PDS5B: variants seen among roughly 807,000 people sequenced by gnomAD.
PDS5B encodes sister chromatid cohesion protein PDS5 homolog B.
A neutral mutation model predicts 184.1 loss-of-function variants in PDS5B; 51 were observed. The ratio of observed to expected loss-of-function variants is 0.28; its 90% CI spans 0.22 to 0.35. PDS5B has a LOEUF of 0.35. PDS5B is among the 10% of genes least tolerant of loss of function. PDS5B has a pLI of 1.00. For missense variants in PDS5B, 1,180 were observed against 1,723.3 expected (o/e 0.68, Z 5.58); for synonymous variants, 566 against 569.2 (o/e 0.99, Z 0.08).
At chr13:32,741,034 A>G (rs755444170) in intron 21 of PDS5B, 46 bp from the exon 22 acceptor site, 1 of 1,089,606 alleles carries the variant, frequency 9.2e-7, no homozygotes, top group South Asian at 1.3e-5. Flanking sequence ...ATTCATATTT[A>G]CATTTTAAAG....
At chr13:32,596,329 T>A (rs1035310796) in intron 1 of PDS5B, among the ~76,000 whole-genome samples, 9 of 152,218 alleles carry the variant, frequency 5.9e-5, no homozygotes, top group Non-Finnish European at 1.2e-4. Flanking sequence ...GCTTAACATA[T>A]TTTGAGATTC....
chr13:32,615,127 A>G lies in PDS5B; in HGVS notation c.-20+28534A>G, dbSNP rs546183631. ...TATTATTACCCCAAGGGTAGCCACT[A>G]TCCTGATTTTGTGATAGCATGTTTT... On this transcript the variant is annotated intron_variant, in intron 1 of 34. Coordinates refer to ENST00000315596, the MANE Select transcript of PDS5B (RefSeq NM_015032.4). Among the ~76,000 whole-genome samples the G allele has an allele frequency of 3.9e-5, 6 of 152,258 alleles. No homozygotes were observed. In the South Asian group the frequency reaches 1.2e-3, roughly 32 times the overall value.
chr13:32,610,986 G>C (rs1299714494), intron 1 of PDS5B, among the ~76,000 whole-genome samples: 1 of 150,988 alleles, frequency 6.6e-6, no homozygotes, highest in Non-Finnish European at 1.5e-5. Flanking sequence ...TTCCTTTTTA[G>C]AGCCATCTTT....
rs759890862 is a variant in PDS5B at position 32,758,632 on chromosome 13, T to A, written c.3288T>A (p.Arg1096=). Residue 1096 remains arginine, a synonymous_variant, in exon 28 of 35, where the codon CGT becomes CGA. Coordinates refer to ENST00000315596, the MANE Select transcript of PDS5B (RefSeq NM_015032.4). Reference sequence around the variant, plus strand: ...CTAAAGACCCGGTACTACCAGCTCGTTTCTTCACTCAACCTGACAAGGTAG... The same window carrying A: ...CTAAAGACCCGGTACTACCAGCTCGATTCTTCACTCAACCTGACAAGGTAG... The part of the protein sequence containing the change: ...ESPKDPVLPA[R]FFTQPDKNFS... The A allele has an allele frequency of 3.1e-6, 5 of 1,613,596 alleles. No individual in the cohort carries two copies. In the East Asian group the frequency reaches 1.1e-4, roughly 36 times the overall value.
At chr13:32,737,249 A>G (rs1308009899) in intron 21 of PDS5B, among the ~76,000 whole-genome samples, 2 of 152,120 alleles carry the variant, frequency 1.3e-5, no homozygotes, top group Non-Finnish European at 2.9e-5. Context: ...TCGTCAGATC[A>G]CTTCCATCCA....
At chr13:32,613,950 C>A (rs753697310) in intron 1 of PDS5B, among the ~76,000 whole-genome samples, 1 of 152,130 alleles carries the variant, frequency 6.6e-6, no homozygotes, top group South Asian at 2.1e-4. Flanking sequence ...CATTCTTTTG[C>A]GTGTTGATAA....
chr13:32,770,001 C>T, intron 31 of PDS5B, 120 bp from the exon 32 acceptor site: 1 of 745,310 alleles, frequency 1.3e-6, no homozygotes, highest in Non-Finnish European at 2.1e-6. Flanking sequence ...TATTTAAGAG[C>T]TGTATATTTT....
chr13:32,769,763 CAG>C, intron 31 of PDS5B, among the ~76,000 whole-genome samples: 1 of 152,240 alleles, frequency 6.6e-6, no homozygotes, highest in South Asian at 2.1e-4. Flanking sequence ...ACTATCCAAA[CAG>C]ATACTTTAGT....
chr13:32,648,970 A>T, intron 2 of PDS5B, 90 bp downstream of exon 2: 1 of 735,188 alleles, frequency 1.4e-6, no homozygotes, highest in Non-Finnish European at 2.5e-6. Flanking sequence ...TTGTTGGGGT[A>T]ACTTAAAAAA....
At chr13:32,717,066 T>G (rs1233377360) in intron 19 of PDS5B, among the ~76,000 whole-genome samples, 6 of 118,320 alleles carry the variant, frequency 5.1e-5, no homozygotes, top group Admixed American at 8.1e-5. Flanking sequence ...GGGAGGGAGG[T>G]GGGGGGGTCA....
chr13:32,660,860 T>G lies in PDS5B; in HGVS notation c.624+1580T>G, dbSNP rs190043137. ...CACCAAGTACTTATAGATTCAATCT[T>G]TTGCTTAGTCCATTTAGCTTAGGGT... On this transcript the variant is annotated intron_variant, in intron 6 of 34. Coordinates refer to ENST00000315596, the MANE Select transcript of PDS5B (RefSeq NM_015032.4). Among the ~76,000 whole-genome samples, 17 of 152,258 alleles carry G rather than the reference T, an allele frequency of 1.1e-4. No homozygotes were observed. In the East Asian group the frequency reaches 3.3e-3, roughly 29 times the overall value.
chr13:32,775,570 T>A lies in PDS5B; in HGVS notation c.*518T>A. 1 of 438,716 alleles carries A rather than the reference T, an allele frequency of 2.3e-6. No homozygotes were observed. Among genetic ancestry groups the A allele is most frequent in the Non-Finnish European group, 4.5e-6 (1 of 220,080 alleles). The allele number at this position is 438,716 out of a possible 1,614,324, so 27.2% of individuals were successfully genotyped here. On this transcript the variant is annotated 3_prime_UTR_variant, in exon 35 of 35. Transcript: ENST00000315596. ...TTGGAGAGTTAAATGGTCTCTTCCC[T>A]TTGTGTATCTTACCTAGTGTTTACT...
Position 32,678,862 on chromosome 13 carries a change from C to G in PDS5B, c.990C>G (p.Arg330=). 4 of 1,607,336 alleles carry G rather than the reference C, an allele frequency of 2.5e-6. No individual in the cohort carries two copies. Among genetic ancestry groups the G allele is most frequent in the Non-Finnish European group, 3.4e-6 (4 of 1,174,022 alleles). Residue 330 remains arginine, a synonymous_variant, in exon 10 of 35, where the codon CGC becomes CGG. Transcript: ENST00000315596. Reference sequence around the variant, plus strand: ...TTAATGATATCCATGTACCAATCCGCCTGGAATGTGTGAAATTTGCTAGCC... The same window carrying G: ...TTAATGATATCCATGTACCAATCCGGCTGGAATGTGTGAAATTTGCTAGCC... ...GRFNDIHVPI[R]LECVKFASHC...
intron 19 of PDS5B, among the ~76,000 whole-genome samples, chr13:32,729,442 A>G (rs1484492883): frequency 6.6e-6 from 1 of 152,154 alleles, no homozygotes; most frequent in Non-Finnish European, 1.5e-5. Flanking sequence ...AATGATTTAT[A>G]ATCCTTTGGG....
intron 14 of PDS5B, among the ~76,000 whole-genome samples, chr13:32,694,796 T>G (rs1394750354): frequency 6.6e-6 from 1 of 151,722 alleles, no homozygotes; most frequent in Non-Finnish European, 1.5e-5. Context: ...ATTCATCCAT[T>G]GGATGTATCA....
chr13:32,644,019 A>G (rs1382760356), intron 1 of PDS5B, among the ~76,000 whole-genome samples: 1 of 152,120 alleles, frequency 6.6e-6, no homozygotes, highest in Non-Finnish European at 1.5e-5. Context: ...TCCAATATGT[A>G]TGCTTTTTAT....
At chr13:32,658,576 A>T (rs1950571972) in intron 5 of PDS5B, 45 bp downstream of exon 5, 9 of 993,286 alleles carry the variant, frequency 9.1e-6, no homozygotes, top group Non-Finnish European at 1.4e-5. Context: ...AAAGGTAACA[A>T]ATTTTGAACT....
intron 8 of PDS5B, among the ~76,000 whole-genome samples, chr13:32,674,870 C>T (rs1311947048): frequency 6.6e-6 from 1 of 150,872 alleles, no homozygotes; most frequent in African/African-American, 2.4e-5. Context: ...AAAGAAATAG[C>T]TGTCCAGGCA....
chr13:32,708,595 G>A (rs868420818), intron 18 of PDS5B, among the ~76,000 whole-genome samples: 1 of 152,010 alleles, frequency 6.6e-6, no homozygotes, highest in South Asian at 2.1e-4. Flanking sequence ...GTATGTGAAG[G>A]TACCCGTCTT....
Sources: allele counts gnomAD v4.1 joint callset (sites outside exome capture counted in the v4.1 genomes callset), GRCh38; gene constraint gnomAD v4.1.1; transcripts MANE v1.5; gene names NCBI Gene and HGNC (gene_info 2026-07-23, HGNC 2026-07-21).